Variants in F8 observed in about 807,000 individuals in gnomAD.
F8 encodes antihemophilic factor.
Under a neutral mutation model 140.6 loss-of-function variants are expected in F8, and 12 were observed. The ratio of observed to expected loss-of-function variants is 0.09; its 90% confidence interval spans 0.05 to 0.14. F8 has a LOEUF of 0.14. Among genes scored for constraint, F8 ranks in the 10% least tolerant of loss-of-function variants. F8 has a pLI of 1.00. For missense variants in F8, 1,354 were observed against 1,720.7 expected, an observed-to-expected ratio of 0.79 and a Z score of 3.77; for synonymous variants, 585 against 614.6, an observed-to-expected ratio of 0.95 and a Z score of 0.71.
chrX:154,928,899 C>G lies in F8; in HGVS notation c.4891G>C (p.Ala1631Pro), dbSNP rs781931217. 2 of 1,211,664 alleles carry G rather than the reference C, an allele frequency of 1.7e-6. No individual in the cohort carries two copies. Residue 1631 changes from alanine (A) to proline (P), a missense_variant, in exon 14 of 26, where the codon GCA becomes CCA. This residue lies in a region of F8 where 658 missense variants were observed against 666.5 expected (regional missense o/e 0.99). Coordinates refer to ENST00000360256, the MANE Select transcript of F8 (RefSeq NM_000132.4). ...NACESNHAIA[A>P]INEGQNKPEI... ...GGCTTATTTTGTCCCTCATTTATTGCTGCTATTGCATGATTGCTTTCACAA... is the reference window on the plus strand; with the variant it reads ...GGCTTATTTTGTCCCTCATTTATTGGTGCTATTGCATGATTGCTTTCACAA...
intron 14 of F8, among the ~76,000 whole-genome samples, chrX:154,916,450 C>A (rs1470688801): frequency 1.8e-5 from 2 of 111,777 alleles, no homozygotes; most frequent in Non-Finnish European, 3.8e-5. Flanking sequence ...TAATGCCAGA[C>A]TTTTTACTAC....
chrX:154,873,858 A>C (rs1349384058), intron 22 of F8, among the ~76,000 whole-genome samples: 1 of 111,963 alleles, frequency 8.9e-6, no homozygotes, highest in African/African-American at 3.2e-5. Flanking sequence ...TTGATTAAAC[A>C]CTTGTATATA....
chrX:155,008,532 C>A (rs2073688853), intron 1 of F8, among the ~76,000 whole-genome samples: 1 of 111,963 alleles, frequency 8.9e-6, no homozygotes, highest in African/African-American at 3.3e-5. Flanking sequence ...AGCCCTGAAC[C>A]CACGACGACC....
chrX:154,852,373 T>A (rs782265470), intron 25 of F8, among the ~76,000 whole-genome samples: 2 of 111,933 alleles, frequency 1.8e-5, no homozygotes, highest in African/African-American at 6.5e-5. Context: ...CATCCAGCCT[T>A]GAGTTAAATT....
At chrX:154,848,198 T>C (rs1246883802) in intron 25 of F8, among the ~76,000 whole-genome samples, 1 of 112,820 alleles carries the variant, frequency 8.9e-6, no homozygotes, top group Non-Finnish European at 1.9e-5. Context: ...CTGCCCCTAC[T>C]GGGGCGTGCC....
intron 22 of F8, among the ~76,000 whole-genome samples, chrX:154,875,736 AGTGTGTGTGT>A (rs35911984): frequency 1.1e-5 from 1 of 93,436 alleles, no homozygotes; most frequent in African/African-American, 3.9e-5. Context: ...CTAAGAATGT[AGTGTGTGTGT>A]GTGTGTGTGT....
At chrX:154,988,760 T>C (rs1279227661) in intron 4 of F8, among the ~76,000 whole-genome samples, 1 of 111,949 alleles carries the variant, frequency 8.9e-6, no homozygotes. Flanking sequence ...TCCCCTCTTC[T>C]AGGACTCTGA....
At chrX:154,843,454 C>T (rs1374855471) in intron 25 of F8, among the ~76,000 whole-genome samples, 2 of 111,662 alleles carry the variant, frequency 1.8e-5, no homozygotes, top group African/African-American at 6.5e-5. Context: ...TCTCCAGCAC[C>T]TGTTGTTTCC....
intron 22 of F8, among the ~76,000 whole-genome samples, chrX:154,891,565 T>C (rs1290877362): frequency 8.9e-6 from 1 of 112,589 alleles, no homozygotes; most frequent in African/African-American, 3.2e-5. Flanking sequence ...GATGTAAAGA[T>C]GTTTGAGGTC....
intron 7 of F8, among the ~76,000 whole-genome samples, chrX:154,967,213 G>A (rs2073430390): frequency 1.8e-5 from 2 of 110,913 alleles, no homozygotes; most frequent in South Asian, 3.8e-4. Flanking sequence ...TTTAATAACA[G>A]CTTATTGGGA....
chrX:154,961,637 T>C (rs2073396158), intron 9 of F8, among the ~76,000 whole-genome samples: 2 of 111,016 alleles, frequency 1.8e-5, no homozygotes, highest in South Asian at 7.7e-4. Flanking sequence ...AATCCAGTGA[T>C]ACTGAAAAAT....
At chrX:154,841,484 C>T (rs2072521770) in intron 25 of F8, among the ~76,000 whole-genome samples, 1 of 109,662 alleles carries the variant, frequency 9.1e-6, no homozygotes, top group South Asian at 3.8e-4. Context: ...CTATTTAAAA[C>T]TATTTTTCCA....
At chrX:154,947,958 T>C (rs372074389) in intron 12 of F8, 51 bp from the exon 13 acceptor site, 8 of 970,679 alleles carry the variant, frequency 8.2e-6, no homozygotes, top group Non-Finnish European at 1.2e-5. Flanking sequence ...GATTTAGTAT[T>C]TTGGATTGTG....
chrX:154,842,251 A>G (rs2072527662), intron 25 of F8, among the ~76,000 whole-genome samples: 1 of 111,121 alleles, frequency 9.0e-6, no homozygotes, highest in African/African-American at 3.3e-5. Context: ...TTTCATCTTG[A>G]TTGCTCTTGC....
intron 9 of F8, 55 bp from the exon 10 acceptor site, chrX:154,961,223 GA>G (rs2073394310): frequency 1.3e-6 from 1 of 795,984 alleles, no homozygotes; most frequent in Non-Finnish European, 1.9e-6. Flanking sequence ...GGATCAACAA[GA>G]AAACTGTGGT....
chrX:154,989,823 A>C (rs2073577855), intron 4 of F8, among the ~76,000 whole-genome samples: 1 of 112,274 alleles, frequency 8.9e-6, no homozygotes, highest in African/African-American at 3.2e-5. Flanking sequence ...CCAGTATCTG[A>C]AATCTGAAAC....
chrX:154,986,352 G>A (rs146710043), intron 5 of F8, among the ~76,000 whole-genome samples: 3 of 111,670 alleles, frequency 2.7e-5, no homozygotes, highest in South Asian at 3.8e-4. Flanking sequence ...GTGCAGTGGC[G>A]CAATCACAGC....
At chrX:154,852,298 C>T (rs782361128) in intron 25 of F8, among the ~76,000 whole-genome samples, 34 of 111,246 alleles carry the variant, frequency 3.1e-4, no homozygotes, top group South Asian at 1.9e-3. Context: ...TCTCAAACTC[C>T]TGAGCTCAAG....
chrX:154,944,359 G>A (rs1462688464), intron 13 of F8, among the ~76,000 whole-genome samples: 1 of 110,544 alleles, frequency 9.0e-6, no homozygotes, highest in African/African-American at 3.3e-5. Flanking sequence ...AGTGGGCGAA[G>A]GACATGAACA....
Sources: allele counts gnomAD v4.1 joint callset (sites outside exome capture counted in the v4.1 genomes callset), GRCh38; gene constraint gnomAD v4.1.1; regional missense constraint gnomAD v4.1.1; transcripts MANE v1.5; gene names NCBI Gene and HGNC (gene_info 2026-07-23, HGNC 2026-07-21).